The following SEPTIN2 variants were observed in gnomAD, a reference collection of about 807,000 sequenced individuals.
SEPTIN2 encodes the protein septin 2, also known as septin-2.
SEPTIN2 carries 34 observed loss-of-function variants against 46.5 expected under a neutral mutation model. The ratio of observed to expected loss-of-function variants is 0.73; its 90% CI spans 0.56 to 0.97. The LOEUF is 0.97. Among genes scored for constraint, SEPTIN2 ranks in the 50% least tolerant of loss-of-function variants. SEPTIN2 has a pLI of 0.00. For missense variants in SEPTIN2, 347 were observed against 448.4 expected (o/e 0.77, Z 2.04); for synonymous variants, 175 against 153.4 (o/e 1.14, Z -1.04).
In SEPTIN2 at chr2:241,337,804, G is replaced by C. The variant is rs2080282395; in HGVS notation, c.594+14G>C. On this transcript the variant is annotated intron_variant, in intron 7 of 12. Coordinates refer to ENST00000391971, the MANE Select transcript of SEPTIN2 (RefSeq NM_004404.5). ...CTGAAGAAAAGGGTGAGTGAGGCTG[G>C]CGTCCTGCCCTCCCTCTGGGTGCGA... is the stretch of plus-strand genomic sequence containing the variant. The C allele has an allele frequency of 3.1e-6, 5 of 1,588,914 alleles. No individual in the cohort carries two copies. Among genetic ancestry groups the C allele is most frequent in the Non-Finnish European group, 4.3e-6 (5 of 1,157,206 alleles).
chr2:241,335,336 A>G (rs766237963), intron 4 of SEPTIN2, 124 bp downstream of exon 4: 2 of 1,553,696 alleles, frequency 1.3e-6, no homozygotes, highest in South Asian at 2.4e-5. Context: ...GAACACAAGG[A>G]AAACACTTTT....
chr2:241,316,527 G>T, intron 1 of SEPTIN2: 1 of 1,522,092 alleles, frequency 6.6e-7, no homozygotes, highest in South Asian at 1.2e-5. Flanking sequence ...CTTCGGCGAG[G>T]AGAGGCGACG....
rs192878239 is a variant in SEPTIN2, at chr2:241,322,090, A to G, written c.-17-2126A>G. On this transcript the variant is annotated intron_variant, in intron 1 of 12. Coordinates refer to ENST00000391971, the MANE Select transcript of SEPTIN2 (RefSeq NM_004404.5). Reference sequence around the variant, plus strand: ...CATTTCTTCCAAAGTAGCTGGGAACATTTCCAGTCAAAAGGGAAACAGAGG... The same window carrying G: ...CATTTCTTCCAAAGTAGCTGGGAACGTTTCCAGTCAAAAGGGAAACAGAGG... 4.6e-4 allele frequency among the ~76,000 whole-genome samples: 70 copies of G among 152,304 alleles called. No individual in the cohort carries two copies. The East Asian group carries it at 0.013, about 29-fold the overall frequency.
intron 7 of SEPTIN2, among the ~76,000 whole-genome samples, chr2:241,339,087 A>G (rs901509744): frequency 7.2e-6 from 1 of 138,570 alleles, no homozygotes; most frequent in Admixed American, 8.1e-5. Flanking sequence ...ATATACATAT[A>G]TTTTTTAAAA....
intron 7 of SEPTIN2, among the ~76,000 whole-genome samples, chr2:241,338,884 TAA>T (rs1269007969): frequency 2.2e-5 from 2 of 90,686 alleles, no homozygotes; most frequent in Non-Finnish European, 3.9e-5. Flanking sequence ...AATATATCTA[TAA>T]TATATATTAT....
chr2:241,317,688 T>G (rs2076567531), intron 1 of SEPTIN2: 1 of 370,110 alleles, frequency 2.7e-6, no homozygotes, highest in Non-Finnish European at 3.7e-6. Context: ...TATGTGGGTA[T>G]ACTGAACGTG....
At chr2:241,345,387 C>T (rs2081876094) in intron 9 of SEPTIN2, among the ~76,000 whole-genome samples, 1 of 152,184 alleles carries the variant, frequency 6.6e-6, no homozygotes, top group Admixed American at 6.5e-5. Flanking sequence ...TTGTGGCTAT[C>T]CTGATCCCCA....
chr2:241,345,901 C>G (rs963329355), intron 9 of SEPTIN2, among the ~76,000 whole-genome samples: 2 of 152,142 alleles, frequency 1.3e-5, no homozygotes, highest in Non-Finnish European at 2.9e-5. Context: ...ACAGGGGTGG[C>G]AGTGCCTCTA....
At chr2:241,338,785 ATTATTTATATAT>A (rs2150085188) in intron 7 of SEPTIN2, among the ~76,000 whole-genome samples, 1 of 111,204 alleles carries the variant, frequency 9.0e-6, no homozygotes, top group East Asian at 2.2e-4. Flanking sequence ...TTATATTTAT[ATTATTTATATAT>A]AATACATATT....
intron 1 of SEPTIN2, among the ~76,000 whole-genome samples, chr2:241,321,751 T>G (rs2077163812): frequency 6.6e-6 from 1 of 152,216 alleles, no homozygotes; most frequent in Non-Finnish European, 1.5e-5. Context: ...GCTGGTTTGA[T>G]GAAGTTGCTG....
intron 1 of SEPTIN2, among the ~76,000 whole-genome samples, chr2:241,318,048 C>T (rs1298163442): frequency 6.6e-6 from 1 of 151,802 alleles, no homozygotes; most frequent in Non-Finnish European, 1.5e-5. Context: ...GTTCATAATT[C>T]CTCTTTCACC....
chr2:241,343,187 G>A (rs539653389), intron 8 of SEPTIN2, 94 bp downstream of exon 8: 135 of 754,950 alleles, frequency 1.8e-4, no homozygotes, highest in Non-Finnish European at 2.6e-4. Context: ...GTTCAGTTAC[G>A]AGAGTATTTT....
In SEPTIN2 at chr2:241,329,736, A is replaced by G. The variant is rs954127903; in HGVS notation, c.130+3623A>G. Among the ~76,000 whole-genome samples the G allele has an allele frequency of 3.6e-4, 55 of 152,322 alleles. No homozygotes were observed. The Middle Eastern group carries it at 0.01, about 28-fold the overall frequency. ...CTGTGTCTGGTTTCCACTGGCTGGAACGGTACCTCACATTCTGTATTTGTC... is the reference window on the plus strand; with the variant it reads ...CTGTGTCTGGTTTCCACTGGCTGGAGCGGTACCTCACATTCTGTATTTGTC... On this transcript the variant is annotated intron_variant, in intron 3 of 12. Coordinates refer to ENST00000391971, the MANE Select transcript of SEPTIN2 (RefSeq NM_004404.5).
At chr2:241,346,763 C>G (rs1411476834) in intron 10 of SEPTIN2, among the ~76,000 whole-genome samples, 1 of 151,822 alleles carries the variant, frequency 6.6e-6, no homozygotes, top group African/African-American at 2.4e-5. Flanking sequence ...AAAAAACAAA[C>G]AAAAACTTTA....
At chr2:241,335,030 G>A in intron 3 of SEPTIN2, 96 bp from the exon 4 acceptor site, 4 of 747,276 alleles carry the variant, frequency 5.4e-6, no homozygotes, top group Non-Finnish European at 9.2e-6. Context: ...TGTTTGTGAG[G>A]TACTTAGCCC....
chr2:241,316,151 T>C (rs1001558534), intron 1 of SEPTIN2, 169 bp downstream of exon 1: 13 of 215,080 alleles, frequency 6.0e-5, no homozygotes, highest in Non-Finnish European at 1.1e-4. Flanking sequence ...TCGGCACTTA[T>C]CGTGGGCTCC....
At chr2:241,320,744 G>T (rs578061378) in intron 1 of SEPTIN2, among the ~76,000 whole-genome samples, 2 of 152,098 alleles carry the variant, frequency 1.3e-5, no homozygotes, top group African/African-American at 4.8e-5. Context: ...AGCTGAGATC[G>T]CGCCAGTGCA....
intron 7 of SEPTIN2, among the ~76,000 whole-genome samples, chr2:241,340,242 G>A (rs1355018543): frequency 1.3e-5 from 2 of 152,184 alleles, no homozygotes; most frequent in Admixed American, 6.5e-5. Context: ...CTTGATTGCC[G>A]ATGTGAGTAT....
intron 7 of SEPTIN2, among the ~76,000 whole-genome samples, chr2:241,338,381 C>T (rs1331317759): frequency 2.0e-5 from 3 of 151,508 alleles, no homozygotes; most frequent in Non-Finnish European, 4.4e-5. Flanking sequence ...TTTATATATG[C>T]TAAACTCTAA....
Sources: gnomAD v4.1 joint callset for allele counts (sites outside exome capture counted in the v4.1 genomes callset) on GRCh38, gnomAD v4.1.1 for gene constraint, MANE v1.5 for transcripts, NCBI Gene and HGNC (gene_info 2026-07-23, HGNC 2026-07-21) for gene names.